Variants in JAKMIP3 observed in about 807,000 individuals in gnomAD.
The protein encoded by JAKMIP3 is janus kinase and microtubule-interacting protein 3.
In JAKMIP3, 58 loss-of-function variants were observed where a neutral mutation model predicts 118.5. That is an observed-to-expected ratio of 0.49 (90% CI 0.40 to 0.61). JAKMIP3 has a LOEUF of 0.61. JAKMIP3 is among the 20% of genes least tolerant of loss of function. JAKMIP3 has a pLI of 0.00. For synonymous variants in JAKMIP3, 486 were observed against 451.2 expected (o/e 1.08, Z -0.98); for missense variants, 950 against 1,109.0 (o/e 0.86, Z 2.04).
At chr10:132,110,402 G>T (rs1012790199) in intron 2 of JAKMIP3, among the ~76,000 whole-genome samples, 1 of 152,284 alleles carries the variant, frequency 6.6e-6, no homozygotes, top group Non-Finnish European at 1.5e-5. Flanking sequence ...AGCCTTCTGT[G>T]CAGTTTTTGC....
At chr10:132,065,440 T>C (rs2038642329), upstream of JAKMIP3, among the ~76,000 whole-genome samples, 1 of 78,090 alleles carries the variant, frequency 1.3e-5, no homozygotes. The surrounding 1 kb of genome is among the most constrained non-coding windows in gnomAD (Gnocchi z 5.6). Flanking sequence ...GGAAGTTCGT[T>C]CCTATTATTG....
intron 23 of JAKMIP3, among the ~76,000 whole-genome samples, chr10:132,180,698 T>C (rs796574256): frequency 0.022 from 334 of 15,388 alleles, 45 homozygotes; most frequent in East Asian, 0.041. Context: ...TGTGCGTGCG[T>C]GTGTGTGTGC....
intron 1 of JAKMIP3, among the ~76,000 whole-genome samples, chr10:132,048,120 G>T (rs902214085): frequency 2.0e-5 from 3 of 152,248 alleles, no homozygotes; most frequent in Admixed American, 6.5e-5. Context: ...TGCATCCTCC[G>T]CGTGGAGCAG....
At chr10:132,134,651 G>A (rs1005584027) in intron 4 of JAKMIP3, among the ~76,000 whole-genome samples, 1 of 152,228 alleles carries the variant, frequency 6.6e-6, no homozygotes, top group Non-Finnish European at 1.5e-5. Context: ...AGCGGCAGGG[G>A]CCAGGCAGAG....
chr10:132,158,431 T>C (rs1222018214), intron 19 of JAKMIP3, among the ~76,000 whole-genome samples: 2 of 152,172 alleles, frequency 1.3e-5, no homozygotes, highest in Non-Finnish European at 2.9e-5. Flanking sequence ...AAGCCCAGCT[T>C]CAGCTTTCTG....
rs1264719961 is a variant in JAKMIP3, at chr10:132,180,586, CGTGT to C, written c.*1104-1763_*1104-1760del. Among the ~76,000 whole-genome samples the C allele has an allele frequency of 8.7e-3, 85 of 9,766 alleles. 14 individuals carry two copies. Among genetic ancestry groups the C allele is most frequent in the South Asian group, 0.028 (9 of 322 alleles). The allele number at this position is 9,766 out of a possible 152,430, so 6.4% of individuals were successfully genotyped here. On this transcript the variant is annotated intron_variant, in intron 23 of 23. Coordinates refer to ENST00000684848, the MANE Select transcript of JAKMIP3 (RefSeq NM_001323087.2). Reference sequence around the variant, plus strand: ...GTGTGTGCGTGTGTGTGTGCGTGCGCGTGTGTGTGTGCGTGCGCGTGTGTGTGTG... The same window carrying C: ...GTGTGTGCGTGTGTGTGTGCGTGCGCGTGTGTGCGTGCGCGTGTGTGTGTG...
chr10:132,052,952 T>C (rs2038140998), intron 1 of JAKMIP3, among the ~76,000 whole-genome samples: 1 of 152,264 alleles, frequency 6.6e-6, no homozygotes, highest in African/African-American at 2.4e-5. Flanking sequence ...TATTTGTCAA[T>C]TCTAATGTTC....
At chr10:132,178,915 G>A (rs1405373858) in intron 23 of JAKMIP3, among the ~76,000 whole-genome samples, 1 of 152,232 alleles carries the variant, frequency 6.6e-6, no homozygotes, top group Non-Finnish European at 1.5e-5. Context: ...TCAGAATGCT[G>A]TTTCCTGATC....
rs2059126752 is a variant in JAKMIP3 at position 132,168,011 on chromosome 10, G to A, written c.*81G>A. ...GGACCAGAAAGCAGGGACAAAATGG[G>A]ACGTCGCGTCTCCATCCTGAAGACC... On this transcript the variant is annotated 3_prime_UTR_variant, in exon 23 of 24. Transcript: ENST00000684848. The A allele has an allele frequency of 7.8e-7, 1 of 1,289,518 alleles. No homozygotes were observed. The highest frequency in any genetic ancestry group is 1.0e-6 in the Non-Finnish European group (1 of 988,870). The allele number at this position is 1,289,518 out of a possible 1,614,324, so 79.9% of individuals were successfully genotyped here.
intron 1 of JAKMIP3, among the ~76,000 whole-genome samples, chr10:132,092,929 C>G (rs559076730): frequency 6.6e-6 from 1 of 152,222 alleles, no homozygotes; most frequent in East Asian, 1.9e-4. Context: ...TTGATGGTGA[C>G]GTACAGATGG....
intron 23 of JAKMIP3, among the ~76,000 whole-genome samples, chr10:132,173,968 G>A (rs1424761904): frequency 6.8e-6 from 1 of 147,522 alleles, no homozygotes; most frequent in Non-Finnish European, 1.5e-5. Context: ...GTGGTCTGTG[G>A]TGTGTCTCTG....
At chr10:132,120,941 C>T (rs771590419) in intron 3 of JAKMIP3, among the ~76,000 whole-genome samples, 4 of 152,314 alleles carry the variant, frequency 2.6e-5, no homozygotes, top group South Asian at 2.1e-4. Flanking sequence ...GCTCGAGCTG[C>T]GGGGGCAGCG....
In JAKMIP3 at chr10:132,119,478, C is replaced by T. The variant is rs571009446; in HGVS notation, c.633+1904C>T. On this transcript the variant is annotated intron_variant, in intron 3 of 23. Coordinates refer to ENST00000684848, the MANE Select transcript of JAKMIP3 (RefSeq NM_001323087.2). ...CTTATGTCTGTAGCAGCCCTTACTT[C>T]AAAAACCGTCTCCCCCTTTCTCACA... Among the ~76,000 whole-genome samples the T allele has an allele frequency of 3.9e-5, 6 of 152,270 alleles. No individual in the cohort carries two copies. In the South Asian group the frequency reaches 1.0e-3, roughly 26 times the overall value.
Position 132,163,283 on chromosome 10 carries a change from G to A in JAKMIP3, c.2295G>A (p.Leu765=), listed in dbSNP as rs770557081. The A allele has an allele frequency of 1.4e-5, 23 of 1,598,942 alleles. No homozygotes were observed. The highest frequency in any genetic ancestry group is 1.9e-5 in the Non-Finnish European group (22 of 1,173,914). ...QEAGAKVAEL[L]SEEEREKLKV... is the part of the protein sequence containing the mutation. ...CCGGGGCTAAGGTGGCTGAGCTGCT[G>A]TCAGAGGAGGAGCGCGAGAAGCTCA... The change falls in exon 20 of 24, where the codon CTG becomes CTA. Residue 765 remains leucine (L), a synonymous_variant. Coordinates refer to ENST00000684848, the MANE Select transcript of JAKMIP3 (RefSeq NM_001323087.2).
At chr10:132,174,627 T>C (rs1478848936) in intron 23 of JAKMIP3, among the ~76,000 whole-genome samples, 1 of 152,200 alleles carries the variant, frequency 6.6e-6, no homozygotes, top group African/African-American at 2.4e-5. Flanking sequence ...CTTGGGTAAA[T>C]ACCTAGGATT....
rs1270751749 is a variant in JAKMIP3 at position 132,183,333 on chromosome 10, A to C, written c.*2080A>C. 1.3e-5 allele frequency: 2 copies of C among 152,238 alleles called. No individual in the cohort carries two copies. Among genetic ancestry groups the C allele is most frequent in the Non-Finnish European group, 2.9e-5 (2 of 68,044 alleles). 9.4% of individuals were successfully genotyped at this position (152,238 alleles called of 1,614,324 possible). A position where few individuals can be genotyped will look rare whatever the true frequency, so the allele number is the denominator to read the frequency against. ...TCCCAATGTGTACCTGCATGGGAAC[A>C]ACAGCTGCATGGGCCAGCTGTTTCG... On this transcript the variant is annotated 3_prime_UTR_variant, in exon 24 of 24. Transcript: ENST00000684848.
At chr10:132,114,894 T>C (rs1305613306) in intron 2 of JAKMIP3, among the ~76,000 whole-genome samples, 3 of 152,226 alleles carry the variant, frequency 2.0e-5, no homozygotes, top group Non-Finnish European at 4.4e-5. Flanking sequence ...TCATTCCTAA[T>C]TATTTGCTGA....
chr10:132,125,586 A>T (rs1199866876), intron 3 of JAKMIP3, among the ~76,000 whole-genome samples: 1 of 152,284 alleles, frequency 6.6e-6, no homozygotes, highest in Non-Finnish European at 1.5e-5. Context: ...CAGTTTCCAC[A>T]GAAAAACTGG....
At chr10:132,180,947 G>A (rs981765258) in intron 23 of JAKMIP3, among the ~76,000 whole-genome samples, 4 of 152,116 alleles carry the variant, frequency 2.6e-5, no homozygotes, top group Non-Finnish European at 5.9e-5. Flanking sequence ...GTGTACACAT[G>A]TACAGTGCAT....
Sources: gnomAD v4.1 joint callset for allele counts (sites outside exome capture counted in the v4.1 genomes callset) on GRCh38, gnomAD v4.1.1 for gene constraint, Gnocchi (gnomAD v3.1) non-coding constraint, MANE v1.5 for transcripts, NCBI Gene and HGNC (gene_info 2026-07-23, HGNC 2026-07-21) for gene names.